The following ACVR1C variants were observed in gnomAD, a reference collection of about 807,000 sequenced individuals.
ACVR1C encodes the protein activin A receptor type 1C.
A neutral mutation model predicts 57.9 loss-of-function variants in ACVR1C; 23 were observed. That is an observed-to-expected ratio of 0.40 (90% confidence interval 0.29 to 0.56). The LOEUF (loss-of-function observed/expected upper bound fraction) is 0.56. ACVR1C is among the 20% of genes least tolerant of loss of function. The probability of loss-of-function intolerance (pLI) is 0.50; values close to 1 mark genes in which losing one functional copy is unlikely to be tolerated. For synonymous variants in ACVR1C, 214 were observed against 215.3 expected, an observed-to-expected ratio of 0.99 and a Z score of 0.05; for missense variants, 480 against 607.9, an observed-to-expected ratio of 0.79 and a Z score of 2.21.
chr2:157,611,507 C>T (rs1431103906), intron 1 of ACVR1C, among the ~76,000 whole-genome samples: 8 of 152,076 alleles, frequency 5.3e-5, no homozygotes, highest in Non-Finnish European at 1.0e-4. Context: ...TCTTGGGCCT[C>T]CAGGTGGCTG....
chr2:157,551,400 A>G (rs960712351), intron 3 of ACVR1C, among the ~76,000 whole-genome samples: 36 of 152,350 alleles, frequency 2.4e-4, no homozygotes, highest in Middle Eastern at 3.4e-3. Flanking sequence ...ACTCAGAGCC[A>G]ATAATAATGA....
chr2:157,562,429 T>G (rs1688259741), intron 2 of ACVR1C, among the ~76,000 whole-genome samples: 1 of 143,396 alleles, frequency 7.0e-6, no homozygotes, highest in Non-Finnish European at 1.5e-5. Context: ...GTTGTGAAAT[T>G]GAGGCAGTAA....
At chr2:157,628,495 C>A in intron 1 of ACVR1C, 77 bp downstream of exon 1, 1 of 1,501,776 alleles carries the variant, frequency 6.7e-7, no homozygotes, top group East Asian at 2.4e-5. Context: ...CCCCCTGTCC[C>A]CCACCCCCGT....
chr2:157,601,034 C>T (rs761449315), intron 1 of ACVR1C, among the ~76,000 whole-genome samples: 10 of 152,066 alleles, frequency 6.6e-5, no homozygotes, highest in Non-Finnish European at 1.2e-4. Context: ...AGGTAGGTTA[C>T]CGGCCGGCTG....
chr2:157,528,779 A>G lies in ACVR1C; in HGVS notation c.*5139T>C, dbSNP rs1472697240. On this transcript the variant is annotated 3_prime_UTR_variant, in exon 9 of 9. Coordinates refer to ENST00000243349, the MANE Select transcript of ACVR1C (RefSeq NM_145259.3). ...GTTAGCTAAAAGCTAGAATACAAAT[A>G]ACAGCTAGTCTTTTTAGGTTTTAAA... is the stretch of plus-strand genomic sequence containing the variant. 6.6e-6 allele frequency: 1 copy of G among 152,338 alleles called. No homozygotes were observed. The highest frequency in any genetic ancestry group is 1.9e-4 in the East Asian group (1 of 5,190). The allele number at this position is 152,338 out of a possible 1,614,324, so 9.4% of individuals were successfully genotyped here.
intron 1 of ACVR1C, among the ~76,000 whole-genome samples, chr2:157,602,455 T>C (rs1682301121): frequency 6.6e-6 from 1 of 152,206 alleles, no homozygotes; most frequent in South Asian, 2.1e-4. Context: ...TCATACACAG[T>C]TGGCAGAGTA....
chr2:157,590,148 A>T (rs1407315409), intron 1 of ACVR1C, among the ~76,000 whole-genome samples: 1 of 151,952 alleles, frequency 6.6e-6, no homozygotes, highest in Non-Finnish European at 1.5e-5. Flanking sequence ...CCCAAAAGCA[A>T]ATGCAACAAA....
chr2:157,558,117 G>C (rs1430951016), intron 2 of ACVR1C, among the ~76,000 whole-genome samples: 1 of 152,156 alleles, frequency 6.6e-6, no homozygotes, highest in Non-Finnish European at 1.5e-5. Context: ...AGGAGAAGGA[G>C]AGGAATCCAG....
At chr2:157,611,846 G>A (rs549626470) in intron 1 of ACVR1C, among the ~76,000 whole-genome samples, 155 of 152,306 alleles carry the variant, frequency 1.0e-3, no homozygotes, top group Non-Finnish European at 1.9e-3. Context: ...TGGTGCCAGG[G>A]TGGGCAGGTC....
chr2:157,549,986 G>A, intron 4 of ACVR1C, among the ~76,000 whole-genome samples, 176 bp downstream of exon 4: 1 of 122,882 alleles, frequency 8.1e-6, no homozygotes, highest in Non-Finnish European at 1.6e-5. Context: ...CTGGGTGACA[G>A]AGCCAGATTA....
At chr2:157,579,462 A>C (rs1296582810) in intron 2 of ACVR1C, among the ~76,000 whole-genome samples, 1 of 152,120 alleles carries the variant, frequency 6.6e-6, no homozygotes, top group Non-Finnish European at 1.5e-5. Flanking sequence ...TAATTTTAAG[A>C]GTTTTCTTCT....
chr2:157,548,754 C>T (rs1414284549), intron 4 of ACVR1C, among the ~76,000 whole-genome samples: 1 of 152,202 alleles, frequency 6.6e-6, no homozygotes, highest in Non-Finnish European at 1.5e-5. Context: ...GATGCTCTGA[C>T]TTGCTCCATG....
chr2:157,535,010 T>C (rs1447489406), intron 8 of ACVR1C, among the ~76,000 whole-genome samples: 1 of 151,970 alleles, frequency 6.6e-6, no homozygotes, highest in African/African-American at 2.4e-5. Context: ...TTTAAAAACT[T>C]AGCCAGGCAT....
chr2:157,597,290 G>A (rs771602523), intron 1 of ACVR1C: 48 of 947,502 alleles, frequency 5.1e-5, no homozygotes, highest in Non-Finnish European at 5.8e-5. Flanking sequence ...TCCATTCCCG[G>A]TCCCCAGCGC....
chr2:157,544,812 G>A (rs1687711069), intron 4 of ACVR1C, among the ~76,000 whole-genome samples, 200 bp from the exon 5 acceptor site: 1 of 152,104 alleles, frequency 6.6e-6, no homozygotes, highest in African/African-American at 2.4e-5. Context: ...CTTGTTATAT[G>A]TGCCCACCAT....
At chr2:157,584,838 T>C (rs530127837) in intron 2 of ACVR1C, among the ~76,000 whole-genome samples, 1 of 152,302 alleles carries the variant, frequency 6.6e-6, no homozygotes, top group South Asian at 2.1e-4. Context: ...TGAATGCACG[T>C]CAATGGATGA....
rs1325349610 is a variant in ACVR1C at position 157,532,031 on chromosome 2, T to C, written c.*1887A>G. ...CAAGATATGGGTGCTCTATGATTAT[T>C]TAATAAGTGGATGAGAGCATTAACG... is the stretch of plus-strand genomic sequence containing the variant. On this transcript the variant is annotated 3_prime_UTR_variant, in exon 9 of 9. Transcript: ENST00000243349. 6.6e-6 allele frequency: 1 copy of C among 152,154 alleles called. No individual in the cohort carries two copies. The highest frequency in any genetic ancestry group is 1.5e-5 in the Non-Finnish European group (1 of 68,002). The allele number at this position is 152,154 out of a possible 1,614,324, so 9.4% of individuals were successfully genotyped here.
At position 157,530,174 on chromosome 2, in the gene ACVR1C, A is replaced by G. The variant is rs1018794049; in HGVS notation, c.*3744T>C. 1 of 152,174 alleles carries G rather than the reference A, an allele frequency of 6.6e-6. No individual in the cohort carries two copies. The highest frequency in any genetic ancestry group is 2.4e-5 in the African/African-American group (1 of 41,464). 9.4% of individuals were successfully genotyped at this position (152,174 alleles called of 1,614,324 possible). On this transcript the variant is annotated 3_prime_UTR_variant, in exon 9 of 9. Coordinates refer to ENST00000243349, the MANE Select transcript of ACVR1C (RefSeq NM_145259.3). ...TTTATTTTAAAGGAATGATTATTGA[A>G]GACATCAACTGCCAGCTTTTATTCA...
chr2:157,542,599 C>A, intron 6 of ACVR1C, 107 bp downstream of exon 6: 1 of 1,291,108 alleles, frequency 7.7e-7, no homozygotes, highest in South Asian at 1.5e-5. Flanking sequence ...ATTTCTTGGG[C>A]CCAGTGGTTT....
Sources: gnomAD v4.1 joint callset for allele counts (sites outside exome capture counted in the v4.1 genomes callset) on GRCh38, gnomAD v4.1.1 for gene constraint, MANE v1.5 for transcripts, NCBI Gene and HGNC (gene_info 2026-07-23, HGNC 2026-07-21) for gene names.